Variants in PPP1R1C observed in about 807,000 individuals in gnomAD.
PPP1R1C encodes protein phosphatase 1 regulatory inhibitor subunit 1C.
A neutral mutation model predicts 17.4 loss-of-function variants in PPP1R1C; 15 were observed. That is an observed-to-expected ratio of 0.86 (90% CI 0.58 to 1.33). The LOEUF is 1.33. PPP1R1C is among the 40% of genes most tolerant of loss of function. The pLI, the probability that PPP1R1C is intolerant of heterozygous loss-of-function variation, is 0.00. For missense variants in PPP1R1C, 143 were observed against 130.0 expected (o/e 1.10, Z -0.48); for synonymous variants, 35 against 43.1 (o/e 0.81, Z 0.73).
At chr2:181,960,248 TC>T (rs1444217448) in intron 1 of PPP1R1C, among the ~76,000 whole-genome samples, 1 of 152,180 alleles carries the variant, frequency 6.6e-6, no homozygotes, top group Non-Finnish European at 1.5e-5. Flanking sequence ...GGAAAGAAGA[TC>T]TGCTTATAAA....
chr2:182,038,672 T>G (rs534015948), intron 2 of PPP1R1C, among the ~76,000 whole-genome samples: 1 of 152,204 alleles, frequency 6.6e-6, no homozygotes, highest in South Asian at 2.1e-4. Context: ...AGGAAAAGGG[T>G]TTTTGTGAAT....
chr2:182,042,928 C>T (rs1273514020), intron 2 of PPP1R1C, among the ~76,000 whole-genome samples: 3 of 152,142 alleles, frequency 2.0e-5, no homozygotes, highest in Non-Finnish European at 4.4e-5. Flanking sequence ...GGATGCAGGG[C>T]ATCTGAAACA....
intron 2 of PPP1R1C, among the ~76,000 whole-genome samples, chr2:182,023,338 T>C (rs1273094827): frequency 6.6e-6 from 1 of 151,730 alleles, no homozygotes; most frequent in Non-Finnish European, 1.5e-5. Context: ...AAGGAAAATA[T>C]AATAGGCAAG....
At chr2:182,013,301 T>C (rs1241888966) in intron 2 of PPP1R1C, among the ~76,000 whole-genome samples, 1 of 152,180 alleles carries the variant, frequency 6.6e-6, no homozygotes, top group Non-Finnish European at 1.5e-5. Context: ...TACATACTAT[T>C]CTAGGGTAAA....
At chr2:182,126,164 T>G (rs574520750) in intron 5 of PPP1R1C, among the ~76,000 whole-genome samples, 6 of 152,054 alleles carry the variant, frequency 3.9e-5, no homozygotes, top group Non-Finnish European at 7.4e-5. Context: ...ATATATTGTA[T>G]TTTTTTAAAA....
chr2:182,085,087 A>G (rs7561331), intron 4 of PPP1R1C, among the ~76,000 whole-genome samples: 84,127 of 151,804 alleles, frequency 0.55, 23,785 homozygotes, highest in Non-Finnish European at 0.61. Context: ...ATTTGTGTAC[A>G]TTGCATCATA....
At chr2:182,074,228 A>AGACG (rs962285578) in intron 4 of PPP1R1C, among the ~76,000 whole-genome samples, 2 of 151,880 alleles carry the variant, frequency 1.3e-5, no homozygotes, top group Admixed American at 6.6e-5. Flanking sequence ...CTTTTAGTAG[A>AGACG]GACGGGGTTT....
At chr2:182,088,086 A>AC (rs1688682570) in intron 4 of PPP1R1C, among the ~76,000 whole-genome samples, 1 of 150,912 alleles carries the variant, frequency 6.6e-6, no homozygotes. Context: ...TTTTTTTTTT[A>AC]ACTTTCATGG....
chr2:182,006,072 C>A lies in PPP1R1C; in HGVS notation c.142+18173C>A, dbSNP rs573396032. 3.9e-4 allele frequency among the ~76,000 whole-genome samples: 59 copies of A among 152,150 alleles called. No individual in the cohort carries two copies. In the East Asian group the frequency reaches 5.0e-3, roughly 13 times the overall value. On this transcript the variant is annotated intron_variant, in intron 2 of 4. Transcript: ENST00000682840. ...TTCTTTCCTTAGCTGGAGATTCTGC[C>A]AATCTCATCATTGCATTTGTTATTT...
chr2:182,117,495 A>G lies in PPP1R1C; in HGVS notation c.*200A>G. The G allele has an allele frequency of 4.3e-6, 2 of 464,460 alleles. No homozygotes were observed. The highest frequency in any genetic ancestry group is 3.9e-6 in the Non-Finnish European group (1 of 258,276). 28.8% of individuals were successfully genotyped at this position (464,460 alleles called of 1,614,324 possible). A position where few individuals can be genotyped will look rare whatever the true frequency, so the allele number is the denominator to read the frequency against. On this transcript the variant is annotated 3_prime_UTR_variant, in exon 5 of 5. Transcript: ENST00000682840. ...TACACATTGTTCCACATCACTTATA[A>G]TTAAAGAATAAGCATTTATTTTACA...
intron 2 of PPP1R1C, among the ~76,000 whole-genome samples, chr2:182,060,248 A>C (rs1351618927): frequency 6.6e-6 from 1 of 152,140 alleles, no homozygotes; most frequent in African/African-American, 2.4e-5. Context: ...CAATGGTTCC[A>C]TATACTATTC....
At chr2:182,119,049 C>A (rs1375262413), downstream of PPP1R1C, among the ~76,000 whole-genome samples, 1 of 151,934 alleles carries the variant, frequency 6.6e-6, no homozygotes, top group East Asian at 1.9e-4. Context: ...TGCTATCCCT[C>A]CCCCCACCAC....
chr2:182,123,857 A>G (rs951226607), intron 5 of PPP1R1C, among the ~76,000 whole-genome samples: 1 of 152,116 alleles, frequency 6.6e-6, no homozygotes, highest in Non-Finnish European at 1.5e-5. Context: ...CTTTAGTTTA[A>G]TTGGATCCCA....
At chr2:182,004,654 T>A (rs1361628319) in intron 2 of PPP1R1C, among the ~76,000 whole-genome samples, 1 of 152,214 alleles carries the variant, frequency 6.6e-6, no homozygotes. Flanking sequence ...AGGTGCCATG[T>A]TGGCAGGCAT....
chr2:182,053,315 G>C (rs1345343580), intron 2 of PPP1R1C, among the ~76,000 whole-genome samples: 1 of 152,122 alleles, frequency 6.6e-6, no homozygotes, highest in African/African-American at 2.4e-5. Flanking sequence ...TGAGCGAATA[G>C]TTGATCTTTT....
At chr2:182,031,740 G>A (rs947278188) in intron 2 of PPP1R1C, among the ~76,000 whole-genome samples, 2 of 152,228 alleles carry the variant, frequency 1.3e-5, no homozygotes, top group Admixed American at 1.3e-4. Flanking sequence ...CTGCTGAAAT[G>A]TTTTACTAGA....
intron 5 of PPP1R1C, among the ~76,000 whole-genome samples, chr2:182,125,502 A>C (rs1332066207): frequency 6.6e-6 from 1 of 152,160 alleles, no homozygotes; most frequent in Non-Finnish European, 1.5e-5. Context: ...CCTCTGGTAG[A>C]ATTTGGCTGT....
In PPP1R1C at chr2:181,961,945, CA is replaced by C; in HGVS notation, n.111+7312del. ...TGTGGAGCCCATGGATGTCACTCCC[CA>C]CAGACGGGTGCATGGCCAGCTCTGT... On this transcript the variant is annotated intron_variant and non_coding_transcript_variant, in intron 1 of 5. Transcript: ENST00000464264. The surrounding 1 kb of genome is among the most constrained non-coding windows in gnomAD (Gnocchi z 5.8). The C allele has an allele frequency of 1.3e-6, 1 of 740,950 alleles. No homozygotes were observed. The highest frequency in any genetic ancestry group is 2.5e-6 in the Non-Finnish European group (1 of 402,532). The allele number at this position is 740,950 out of a possible 1,614,324, so 45.9% of individuals were successfully genotyped here.
upstream of PPP1R1C, among the ~76,000 whole-genome samples, chr2:181,983,740 G>C (rs1028026328): frequency 6.6e-6 from 1 of 152,132 alleles, no homozygotes; most frequent in African/African-American, 2.4e-5. Context: ...ACATTCAAAA[G>C]ACATGTAGGT....
Sources: gnomAD v4.1 joint callset for allele counts (sites outside exome capture counted in the v4.1 genomes callset) on GRCh38, gnomAD v4.1.1 for gene constraint, Gnocchi (gnomAD v3.1) non-coding constraint, MANE v1.5 for transcripts, NCBI Gene and HGNC (gene_info 2026-07-23, HGNC 2026-07-21) for gene names.